PCCA: variants seen among roughly 807,000 people sequenced by gnomAD.
PCCA encodes propionyl-CoA carboxylase alpha chain, mitochondrial.
A neutral mutation model predicts 101.3 loss-of-function variants in PCCA; 74 were observed. The ratio of observed to expected loss-of-function variants is 0.73; its 90% CI spans 0.61 to 0.89. The LOEUF (loss-of-function observed/expected upper bound fraction) is 0.89. PCCA is among the 40% of genes least tolerant of loss of function. The pLI is 0.00. For missense variants in PCCA, 891 were observed against 907.0 expected (o/e 0.98, Z 0.23); for synonymous variants, 294 against 313.6 (o/e 0.94, Z 0.66).
At chr13:100,156,405 T>G (rs1203944034) in intron 5 of PCCA, among the ~76,000 whole-genome samples, 2 of 152,188 alleles carry the variant, frequency 1.3e-5, no homozygotes, top group Non-Finnish European at 2.9e-5. Context: ...ACGTAGCTAT[T>G]TCTGGATTAT....
chr13:100,141,660 G>A (rs901192193), intron 4 of PCCA, among the ~76,000 whole-genome samples: 14 of 152,072 alleles, frequency 9.2e-5, no homozygotes, highest in African/African-American at 2.9e-4. Flanking sequence ...TGATCTGCCC[G>A]CCTTGGCCTC....
intron 4 of PCCA, among the ~76,000 whole-genome samples, chr13:100,126,220 C>T (rs2152312656): frequency 6.6e-6 from 1 of 152,146 alleles, no homozygotes; most frequent in African/African-American, 2.4e-5. Context: ...CCTCAGATTT[C>T]CTTATATGTA....
At chr13:100,436,739 C>T (rs375928759) in intron 20 of PCCA, among the ~76,000 whole-genome samples, 28 of 152,294 alleles carry the variant, frequency 1.8e-4, no homozygotes, top group African/African-American at 6.0e-4. Context: ...GCTGACTTCT[C>T]GGCGCATATA....
chr13:100,096,325 T>C (rs1226832347), intron 1 of PCCA, among the ~76,000 whole-genome samples: 1 of 152,202 alleles, frequency 6.6e-6, no homozygotes, highest in Non-Finnish European at 1.5e-5. Context: ...GATATTCTTA[T>C]TGTAAATATT....
chr13:100,454,838 AAAG>A (rs1189858288), intron 21 of PCCA, among the ~76,000 whole-genome samples: 2 of 152,206 alleles, frequency 1.3e-5, no homozygotes, highest in Non-Finnish European at 2.9e-5. Context: ...ACTTTTAAAA[AAAG>A]CTGGTTTGTG....
At chr13:100,198,912 CA>C (rs1037652981) in intron 6 of PCCA, among the ~76,000 whole-genome samples, 1 of 101,580 alleles carries the variant, frequency 9.8e-6, no homozygotes, top group Non-Finnish European at 1.8e-5. Flanking sequence ...ATGTACTTTA[CA>C]ATTTTTTTTT....
intron 10 of PCCA, 147 bp from the exon 11 acceptor site, chr13:100,268,542 A>G (rs1440251626): frequency 5.4e-6 from 4 of 742,100 alleles, no homozygotes; most frequent in East Asian, 2.5e-5. Flanking sequence ...CTTTGTTAAC[A>G]TGAATCAAAA....
chr13:100,219,459 A>G (rs982658353), intron 7 of PCCA, among the ~76,000 whole-genome samples: 2 of 152,218 alleles, frequency 1.3e-5, no homozygotes, highest in Admixed American at 1.3e-4. Context: ...TCCTTATGAA[A>G]TTAGTGAATG....
At chr13:100,413,426 A>T (rs559760352) in intron 19 of PCCA, among the ~76,000 whole-genome samples, 3 of 152,374 alleles carry the variant, frequency 2.0e-5, no homozygotes, top group Admixed American at 6.5e-5. Context: ...GCATACTAAT[A>T]GGAATCTGAT....
At chr13:100,406,215 C>T (rs1489301080) in intron 19 of PCCA, among the ~76,000 whole-genome samples, 1 of 152,132 alleles carries the variant, frequency 6.6e-6, no homozygotes, top group Non-Finnish European at 1.5e-5. Context: ...GTAAAATAAC[C>T]ACTTTCTCCA....
intron 17 of PCCA, among the ~76,000 whole-genome samples, chr13:100,338,430 A>G (rs2070823127): frequency 6.6e-6 from 1 of 152,090 alleles, no homozygotes; most frequent in African/African-American, 2.4e-5. Flanking sequence ...TGAGAAAATG[A>G]GAGTTAAAAA....
chr13:100,447,330 G>C (rs913201230), intron 20 of PCCA, among the ~76,000 whole-genome samples: 2 of 152,038 alleles, frequency 1.3e-5, no homozygotes, highest in Non-Finnish European at 2.9e-5. Context: ...GTTGCAGTGA[G>C]CCGAGATTGT....
At chr13:100,471,146 A>G (rs2082978130) in intron 21 of PCCA, among the ~76,000 whole-genome samples, 1 of 152,198 alleles carries the variant, frequency 6.6e-6, no homozygotes, top group Non-Finnish European at 1.5e-5. Context: ...TAATTGGCTT[A>G]ATTTCAATAC....
intron 1 of PCCA, 77 bp from the exon 2 acceptor site, chr13:100,102,806 C>T: frequency 1.1e-6 from 1 of 945,260 alleles, no homozygotes; most frequent in South Asian, 1.3e-5. Context: ...TAGAACCTAA[C>T]TGGAAGAAAT....
intron 4 of PCCA, among the ~76,000 whole-genome samples, chr13:100,122,598 G>C (rs1312025441): frequency 6.6e-6 from 1 of 152,066 alleles, no homozygotes; most frequent in African/African-American, 2.4e-5. Context: ...AAAGTTTCTA[G>C]CTTATTGGTA....
intron 19 of PCCA, among the ~76,000 whole-genome samples, chr13:100,406,074 C>A (rs1379877263): frequency 2.6e-5 from 4 of 152,022 alleles, no homozygotes; most frequent in Non-Finnish European, 5.9e-5. Flanking sequence ...CAGAAAGTGA[C>A]ATTACTTACT....
At chr13:100,522,819 T>C (rs528334257) in intron 22 of PCCA, among the ~76,000 whole-genome samples, 85 of 152,368 alleles carry the variant, frequency 5.6e-4, no homozygotes, top group African/African-American at 2.0e-3. Flanking sequence ...TTTGTGGCTC[T>C]GAAGGATGAA....
chr13:100,301,644 C>G (rs1395242506), intron 13 of PCCA, 41 bp downstream of exon 13: 1 of 1,611,360 alleles, frequency 6.2e-7, no homozygotes, highest in Non-Finnish European at 8.5e-7. Flanking sequence ...GTGGTTATGT[C>G]CAGAGTCATG....
At chr13:100,262,579 G>T in intron 9 of PCCA, 150 bp from the exon 10 acceptor site, 1 of 617,982 alleles carries the variant, frequency 1.6e-6, no homozygotes, top group African/African-American at 1.9e-5. Context: ...GCTTTTTTCA[G>T]AATAAGCCAA....
Sources: allele counts gnomAD v4.1 joint callset (sites outside exome capture counted in the v4.1 genomes callset), GRCh38; gene constraint gnomAD v4.1.1; transcripts MANE v1.5; gene names NCBI Gene and HGNC (gene_info 2026-07-23, HGNC 2026-07-21).